Variants in DPF3 observed in about 807,000 individuals in gnomAD.
DPF3 encodes the protein zinc finger protein DPF3.
DPF3 carries 18 observed loss-of-function variants against 56.8 expected under a neutral mutation model. The observed-to-expected ratio is 0.32, with a 90% CI of 0.22 to 0.47. The LOEUF is 0.47. DPF3 is among the 20% of genes least tolerant of loss of function. The pLI, the probability that DPF3 is intolerant of heterozygous loss-of-function variation, is 1.00. For missense variants in DPF3, 403 were observed against 488.8 expected (o/e 0.82, Z 1.65); for synonymous variants, 188 against 180.2 (o/e 1.04, Z -0.35).
At chr14:72,843,010 G>A (rs1884612410) in intron 1 of DPF3, among the ~76,000 whole-genome samples, 1 of 152,014 alleles carries the variant, frequency 6.6e-6, no homozygotes, top group Non-Finnish European at 1.5e-5. Flanking sequence ...GTGACAGTGT[G>A]AGACTCCATC....
intron 1 of DPF3, among the ~76,000 whole-genome samples, chr14:72,851,275 G>C (rs1220204991): frequency 3.3e-5 from 5 of 152,160 alleles, no homozygotes; most frequent in African/African-American, 1.2e-4. Flanking sequence ...GGCTGGCTTT[G>C]CCTTCCAGCC....
At chr14:72,706,941 G>A (rs528623450) in intron 6 of DPF3, among the ~76,000 whole-genome samples, 8 of 151,930 alleles carry the variant, frequency 5.3e-5, no homozygotes, top group Admixed American at 5.2e-4. Flanking sequence ...TCGTCATTTA[G>A]CATTAGGTAT....
At chr14:72,630,192 G>A (rs1229623107) in intron 8 of DPF3, among the ~76,000 whole-genome samples, 1 of 152,164 alleles carries the variant, frequency 6.6e-6, no homozygotes, top group African/African-American at 2.4e-5. Flanking sequence ...GTGCAAGGGA[G>A]GCTATCAGAA....
chr14:72,741,563 T>C (rs1890124395), intron 3 of DPF3, among the ~76,000 whole-genome samples: 2 of 152,248 alleles, frequency 1.3e-5, no homozygotes. Flanking sequence ...CCCAGGCCTC[T>C]CCTCTCTGGC....
At chr14:72,726,805 A>G (rs539583587) in intron 4 of DPF3, among the ~76,000 whole-genome samples, 18 of 152,268 alleles carry the variant, frequency 1.2e-4, no homozygotes, top group African/African-American at 4.3e-4. Context: ...CTGTTACTCT[A>G]AACAGTCTTT....
At chr14:72,741,673 A>G (rs533718685) in intron 3 of DPF3, among the ~76,000 whole-genome samples, 6 of 152,358 alleles carry the variant, frequency 3.9e-5, no homozygotes, top group African/African-American at 1.4e-4. Flanking sequence ...TCATCCCTTT[A>G]GAAATCTTTA....
At chr14:72,838,527 A>G (rs913421603) in intron 1 of DPF3, among the ~76,000 whole-genome samples, 3 of 152,002 alleles carry the variant, frequency 2.0e-5, no homozygotes, top group Admixed American at 6.6e-5. Flanking sequence ...ACAGCAGTCC[A>G]TTCACACTGG....
At chr14:72,684,914 A>G (rs1269941469) in intron 7 of DPF3, among the ~76,000 whole-genome samples, 2 of 152,180 alleles carry the variant, frequency 1.3e-5, no homozygotes, top group African/African-American at 2.4e-5. Flanking sequence ...ATTAGACACC[A>G]AAGAGCTTGT....
At chr14:72,823,222 C>T (rs917476072) in intron 1 of DPF3, among the ~76,000 whole-genome samples, 2 of 152,220 alleles carry the variant, frequency 1.3e-5, no homozygotes, top group Admixed American at 6.5e-5. Flanking sequence ...CCAAACCTCC[C>T]TCCAGTTCTC....
rs145011404 is a variant in DPF3, at chr14:72,808,387, G to C, written c.33-36494C>G. On this transcript the variant is annotated intron_variant, in intron 1 of 10. Coordinates refer to ENST00000556509, the MANE Select transcript of DPF3 (RefSeq NM_001280542.3). ...CTGAGTGAACATTTTAAAACAAGCA[G>C]GACATTTCGAACTCAAATAGTAAGA... 3.3e-4 allele frequency among the ~76,000 whole-genome samples: 51 copies of C among 152,256 alleles called. No individual in the cohort carries two copies. The East Asian group carries it at 8.7e-3, about 26-fold the overall frequency.
rs869132974 is a variant in DPF3 at position 72,885,406 on chromosome 14, GTTTT to G, written c.32+8647_32+8650del. Among the ~76,000 whole-genome samples, 3 of 122,576 alleles carry G rather than the reference GTTTT, an allele frequency of 2.4e-5. No homozygotes were observed. The East Asian group carries it at 7.0e-4, about 29-fold the overall frequency. The allele number at this position is 122,576 out of a possible 152,430, so 80.4% of individuals were successfully genotyped here. A position where few individuals can be genotyped will look rare whatever the true frequency, so the allele number is the denominator to read the frequency against. ...TGTTTGTTTGTTTGTTTGTTTGTTTGTTTTTTGAGATAAGGTCTTGCTCTGTCAC... is the reference window on the plus strand; with the variant it reads ...TGTTTGTTTGTTTGTTTGTTTGTTTGTTGAGATAAGGTCTTGCTCTGTCAC... On this transcript the variant is annotated intron_variant, in intron 1 of 10. Coordinates refer to ENST00000556509, the MANE Select transcript of DPF3 (RefSeq NM_001280542.3).
At chr14:72,628,618 A>G (rs775674145) in intron 9 of DPF3, among the ~76,000 whole-genome samples, 3 of 152,064 alleles carry the variant, frequency 2.0e-5, no homozygotes, top group Non-Finnish European at 4.4e-5. Flanking sequence ...ACCACCATCT[A>G]TGAAGTAGTC....
intron 4 of DPF3, among the ~76,000 whole-genome samples, chr14:72,730,871 G>A (rs942694773): frequency 9.9e-5 from 15 of 152,186 alleles, no homozygotes; most frequent in African/African-American, 3.4e-4. Context: ...TAACAAATAA[G>A]AGATGGTAGG....
rs181421153 is a variant in DPF3 at position 72,732,565 on chromosome 14, G to A, written c.302-631C>T. Among the ~76,000 whole-genome samples, 237 of 152,322 alleles carry A rather than the reference G, an allele frequency of 1.6e-3. 1 individual carries two copies. Among genetic ancestry groups the A allele is most frequent in the Middle Eastern group, 6.8e-3 (2 of 294 alleles). On this transcript the variant is annotated intron_variant, in intron 3 of 10. Coordinates refer to ENST00000556509, the MANE Select transcript of DPF3 (RefSeq NM_001280542.3). ...AAGCCACGGGAAGAGGAGCGACGGC[G>A]AATGCCTCACAAGCCCCGGATGAGC... is the stretch of plus-strand genomic sequence containing the variant.
chr14:72,690,722 C>G (rs11844112), intron 7 of DPF3, among the ~76,000 whole-genome samples: 3 of 152,062 alleles, frequency 2.0e-5, no homozygotes, highest in African/African-American at 4.8e-5. Flanking sequence ...AGACAAGAAG[C>G]ATTCCAAACC....
At chr14:72,757,425 G>A (rs1890885241) in intron 2 of DPF3, among the ~76,000 whole-genome samples, 2 of 151,942 alleles carry the variant, frequency 1.3e-5, no homozygotes, top group African/African-American at 4.8e-5. Context: ...ATACCAATTT[G>A]TCCACCCTCT....
chr14:72,756,880 A>AAGGAAG lies in DPF3; in HGVS notation c.194-3510_194-3509insCTTCCT, dbSNP rs1567222976. ...AGAAAGAAAGAAAGAAAGGAAGGAA[A>AAGGAAG]GAAGGAAAGAAAGAAAGAAAAGAAA... is the stretch of plus-strand genomic sequence containing the variant. On this transcript the variant is annotated intron_variant, in intron 2 of 10. Transcript: ENST00000556509. 1.2e-3 allele frequency among the ~76,000 whole-genome samples: 120 copies of AAGGAAG among 101,790 alleles called. 1 individual carries two copies. The highest frequency in any genetic ancestry group is 4.3e-3 in the African/African-American group (112 of 25,864). The allele number at this position is 101,790 out of a possible 152,430, so 66.8% of individuals were successfully genotyped here.
chr14:72,814,853 A>C (rs1338800719), intron 1 of DPF3, among the ~76,000 whole-genome samples: 1 of 152,196 alleles, frequency 6.6e-6, no homozygotes, highest in African/African-American at 2.4e-5. Context: ...GTAGAGCTAA[A>C]TGGAAGACTA....
chr14:72,883,329 G>A (rs1364571424), intron 1 of DPF3, among the ~76,000 whole-genome samples: 9 of 151,982 alleles, frequency 5.9e-5, no homozygotes, highest in African/African-American at 1.9e-4. Flanking sequence ...GTGGCAGTAC[G>A]CACCTGTAGT....
Sources: allele counts gnomAD v4.1 joint callset (sites outside exome capture counted in the v4.1 genomes callset), GRCh38; gene constraint gnomAD v4.1.1; transcripts MANE v1.5; gene names NCBI Gene and HGNC (gene_info 2026-07-23, HGNC 2026-07-21).